The following CALN1 variants were observed in gnomAD, a reference collection of about 807,000 sequenced individuals.
CALN1 encodes the protein calcium-binding protein 8.
Under a neutral mutation model 30.6 loss-of-function variants are expected in CALN1, and 17 were observed. That is an observed-to-expected ratio of 0.56 (90% CI 0.38 to 0.83). The LOEUF is 0.83. CALN1 is among the 40% of genes least tolerant of loss of function. The pLI is 0.00. For synonymous variants in CALN1, 156 were observed against 131.4 expected (o/e 1.19, Z -1.28); for missense variants, 291 against 354.9 (o/e 0.82, Z 1.45).
chr7:72,221,663 G>A (rs1040557075), intron 3 of CALN1, among the ~76,000 whole-genome samples: 1 of 152,202 alleles, frequency 6.6e-6, no homozygotes, highest in African/African-American at 2.4e-5. Flanking sequence ...GGCGAGGAGA[G>A]CGGATCACCT....
chr7:72,027,752 CACACACAA>C (rs1247978122), intron 4 of CALN1, among the ~76,000 whole-genome samples: 3 of 143,848 alleles, frequency 2.1e-5, no homozygotes, highest in African/African-American at 8.6e-5. Flanking sequence ...CACACACACA[CACACACAA>C]AAACACATGA....
At chr7:71,991,052 G>C (rs1031667954) in intron 5 of CALN1, among the ~76,000 whole-genome samples, 33 of 151,270 alleles carry the variant, frequency 2.2e-4, no homozygotes, top group African/African-American at 7.1e-4. Context: ...ACAGTGAGGG[G>C]GGGGGTCGAC....
chr7:71,826,963 A>G (rs1278204563), intron 5 of CALN1, among the ~76,000 whole-genome samples: 1 of 152,182 alleles, frequency 6.6e-6, no homozygotes, highest in Non-Finnish European at 1.5e-5. Context: ...AACACATGTC[A>G]ACATCAACAA....
intron 2 of CALN1, among the ~76,000 whole-genome samples, chr7:72,385,158 T>A (rs1043706521): frequency 5.3e-5 from 8 of 152,208 alleles, no homozygotes; most frequent in African/African-American, 1.9e-4. Context: ...TAATAACTGC[T>A]AGCAAAAATG....
At chr7:72,102,554 G>C (rs1806753436) in intron 4 of CALN1, among the ~76,000 whole-genome samples, 1 of 152,120 alleles carries the variant, frequency 6.6e-6, no homozygotes, top group African/African-American at 2.4e-5. Flanking sequence ...CCATACAGTG[G>C]AATAGGAATA....
At chr7:71,814,630 G>C (rs1164863482) in intron 5 of CALN1, among the ~76,000 whole-genome samples, 4 of 152,060 alleles carry the variant, frequency 2.6e-5, no homozygotes, top group Non-Finnish European at 5.9e-5. Flanking sequence ...GAGACAGCAA[G>C]ACCAACACCT....
upstream of CALN1, among the ~76,000 whole-genome samples, chr7:72,452,131 G>T (rs1266695833): frequency 6.6e-6 from 1 of 152,166 alleles, no homozygotes; most frequent in Non-Finnish European, 1.5e-5. Flanking sequence ...GGTTATGTTA[G>T]GTGTGTTAGG....
At chr7:72,325,958 G>C (rs1801248598) in intron 2 of CALN1, among the ~76,000 whole-genome samples, 1 of 152,176 alleles carries the variant, frequency 6.6e-6, no homozygotes, top group Non-Finnish European at 1.5e-5. Flanking sequence ...CTGGAATGCA[G>C]TGGCACAATC....
intron 3 of CALN1, among the ~76,000 whole-genome samples, chr7:72,204,782 T>G (rs1340787959): frequency 6.6e-6 from 1 of 152,228 alleles, no homozygotes; most frequent in African/African-American, 2.4e-5. Flanking sequence ...TTCCAGTTCT[T>G]TGCTACAGTG....
intron 3 of CALN1, among the ~76,000 whole-genome samples, chr7:72,180,417 T>G: frequency 6.6e-6 from 1 of 152,002 alleles, no homozygotes; most frequent in Admixed American, 6.6e-5. Flanking sequence ...CACAGAGCCT[T>G]GCTTGATGCA....
At chr7:71,799,622 T>C (rs568948177) in intron 6 of CALN1, among the ~76,000 whole-genome samples, 4 of 152,006 alleles carry the variant, frequency 2.6e-5, no homozygotes, top group South Asian at 2.1e-4. Flanking sequence ...CCCGCCACCA[T>C]ACCCAGCTAA....
chr7:71,810,074 C>A (rs942546022), intron 6 of CALN1, among the ~76,000 whole-genome samples: 4 of 152,112 alleles, frequency 2.6e-5, no homozygotes, highest in Non-Finnish European at 5.9e-5. Context: ...TCCAATCACA[C>A]GCAGACCTCA....
At chr7:72,345,993 T>G (rs1206011325) in intron 2 of CALN1, among the ~76,000 whole-genome samples, 4 of 152,044 alleles carry the variant, frequency 2.6e-5, no homozygotes, top group Non-Finnish European at 4.4e-5. Context: ...AAATCAAACA[T>G]AGGAAATTCA....
intron 4 of CALN1, among the ~76,000 whole-genome samples, chr7:72,051,462 T>A (rs1437555191): frequency 6.6e-6 from 1 of 152,164 alleles, no homozygotes; most frequent in Non-Finnish European, 1.5e-5. Flanking sequence ...AACCTATTTT[T>A]AAAAAATACC....
chr7:72,138,956 G>A (rs1235200737), intron 3 of CALN1, among the ~76,000 whole-genome samples: 2 of 152,124 alleles, frequency 1.3e-5, no homozygotes, highest in Non-Finnish European at 2.9e-5. Context: ...CTACCCGAAC[G>A]CATTCGAAAG....
chr7:71,969,683 C>T (rs1446853924), intron 5 of CALN1, among the ~76,000 whole-genome samples: 16 of 152,100 alleles, frequency 1.1e-4, no homozygotes, highest in African/African-American at 2.7e-4. Flanking sequence ...AAGTTTATCC[C>T]GGAGAAGAGA....
rs761740379 is a variant in CALN1 at position 71,923,349 on chromosome 7, C to T, written c.501+100308G>A. Among the ~76,000 whole-genome samples the T allele has an allele frequency of 1.1e-4, 17 of 152,146 alleles. 1 individual carries two copies. The highest frequency in any genetic ancestry group is 7.2e-4 in the Admixed American group (11 of 15,272). On this transcript the variant is annotated intron_variant, in intron 5 of 6. Transcript: ENST00000395275. ...CCTATAAAAACACAGATATAATCAA[C>T]GGCTTCAAAGGAGAACTAGCTAGCT...
At chr7:72,501,957 A>G in the CALN1 span, among the ~76,000 whole-genome samples, 1 of 124,526 alleles carries the variant, frequency 8.0e-6, no homozygotes, top group African/African-American at 3.4e-5. Flanking sequence ...ATACACACAT[A>G]TATATATATA....
intron 3 of CALN1, among the ~76,000 whole-genome samples, chr7:72,133,040 G>C (rs922752761): frequency 1.3e-5 from 2 of 152,100 alleles, no homozygotes; most frequent in Non-Finnish European, 2.9e-5. Context: ...TTGATGATCT[G>C]AGGTGGAACA....
Sources: allele counts gnomAD v4.1 joint callset (sites outside exome capture counted in the v4.1 genomes callset), GRCh38; gene constraint gnomAD v4.1.1; transcripts MANE v1.5; gene names NCBI Gene and HGNC (gene_info 2026-07-23, HGNC 2026-07-21).